HIF3A: variants seen among roughly 807,000 people sequenced by gnomAD.
The protein encoded by HIF3A is hypoxia-inducible factor 3-alpha.
HIF3A carries 41 observed loss-of-function variants against 67.2 expected under a neutral mutation model. That is an observed-to-expected ratio of 0.61 (90% CI 0.48 to 0.79). The LOEUF (loss-of-function observed/expected upper bound fraction) is 0.79. Among genes scored for constraint, HIF3A ranks in the 30% least tolerant of loss-of-function variants. The pLI is 0.00. For missense variants in HIF3A, 855 were observed against 898.0 expected, an observed-to-expected ratio of 0.95 and a Z score of 0.61; for synonymous variants, 356 against 374.8, an observed-to-expected ratio of 0.95 and a Z score of 0.58.
intron 1 of HIF3A, chr19:46,298,363 GCC>G: frequency 8.0e-7 from 1 of 1,256,632 alleles, no homozygotes. Flanking sequence ...GAGCTCGGGT[GCC>G]CCCCCTCCCC....
intron 6 of HIF3A, chr19:46,310,402 AT>A (rs1247279799): frequency 3.9e-6 from 1 of 258,702 alleles, no homozygotes. Flanking sequence ...CTCTCAAAAA[AT>A]AATAATAATA....
At chr19:46,314,018 A>G (rs1229823860) in intron 8 of HIF3A, among the ~76,000 whole-genome samples, 3 of 151,976 alleles carry the variant, frequency 2.0e-5, no homozygotes, top group Non-Finnish European at 4.4e-5. Context: ...ATTCCATGGT[A>G]TGAATAGAGC....
rs938873648 is a variant in HIF3A, at chr19:46,297,203, C to A, written c.26+101C>A. The A allele has an allele frequency of 8.8e-6, 6 of 681,310 alleles. No homozygotes were observed. Among genetic ancestry groups the A allele is most frequent in the Admixed American group, 3.3e-5 (1 of 30,658 alleles). The allele number at this position is 681,310 out of a possible 1,614,324, so 42.2% of individuals were successfully genotyped here. The stretch of plus-strand genomic sequence containing the variant: ...GGGGGGTGGGGTTCGCGGGTGCGAG[C>A]CAAGAACGCCCCGGGGCGCGCAGTT... On this transcript the variant is annotated intron_variant, in intron 1 of 14. Coordinates refer to ENST00000377670, the MANE Select transcript of HIF3A (RefSeq NM_152795.4). This position sits in a 1 kb window ranked among gnomAD's most constrained non-coding sequence, Gnocchi z 4.5.
intron 8 of HIF3A, among the ~76,000 whole-genome samples, chr19:46,317,160 A>G (rs1969980636): frequency 6.6e-6 from 1 of 151,832 alleles, no homozygotes; most frequent in Admixed American, 6.6e-5. Flanking sequence ...AGTTCAAGCG[A>G]CCCACCCGCC....
chr19:46,331,796 A>G (rs563718440), intron 13 of HIF3A, among the ~76,000 whole-genome samples: 1 of 145,974 alleles, frequency 6.9e-6, no homozygotes, highest in South Asian at 2.3e-4. Context: ...AGAAGATTGC[A>G]GTGAGCTGAG....
chr19:46,318,470 G>A (rs1195748093), intron 8 of HIF3A, among the ~76,000 whole-genome samples: 1 of 143,936 alleles, frequency 6.9e-6, no homozygotes, highest in Non-Finnish European at 1.5e-5. Context: ...GGATCACTGA[G>A]CCTGGGAGAT....
rs1971006011 is a variant in HIF3A at position 46,329,233 on chromosome 19, G to A, written c.1467G>A (p.Met489Ile). 1 of 1,610,678 alleles carries A rather than the reference G, an allele frequency of 6.2e-7. No individual in the cohort carries two copies. The highest frequency in any genetic ancestry group is 8.5e-7 in the Non-Finnish European group (1 of 1,178,340). Residue 489 changes from methionine (M) to isoleucine (I), a missense_variant, in exon 12 of 15, where the codon ATG (methionine) becomes ATA (isoleucine). This residue lies in a region of HIF3A where 18 missense variants were observed against 43.7 expected (regional missense o/e 0.41). Transcript: ENST00000377670. ...ATGCTGATGCTCTGGATTTGGAGAT[G>A]CTGGCCCCCTACATCTCCATGGATG... is the stretch of plus-strand genomic sequence containing the variant. Reference protein sequence around the residue: ...AQDADALDLEMLAPYISMDDD... With the variant: ...AQDADALDLEILAPYISMDDD...
intron 10 of HIF3A, among the ~76,000 whole-genome samples, chr19:46,324,985 T>TTCTG (rs1555785452): frequency 7.8e-6 from 1 of 127,916 alleles, no homozygotes; most frequent in Non-Finnish European, 1.6e-5. Flanking sequence ...CACACATATA[T>TTCTG]TGTGTGTGTG....
At position 46,334,987 on chromosome 19, in the gene HIF3A, G is replaced by T; in HGVS notation, c.1912+1G>T. 6.2e-7 allele frequency: 1 copy of T among 1,601,896 alleles called. No homozygotes were observed. Among genetic ancestry groups the T allele is most frequent in the Non-Finnish European group, 8.5e-7 (1 of 1,173,816 alleles). On this transcript the variant is annotated splice_donor_variant, in intron 14 of 14. Coordinates refer to ENST00000377670, the MANE Select transcript of HIF3A (RefSeq NM_152795.4). LOFTEE classifies it high-confidence loss of function. ...CTCCTGAACCTGAATGAGCCCCTGG[G>T]TGAGTAGCAACCTGGGTATCCAGAG... is the stretch of plus-strand genomic sequence containing the variant.
intron 13 of HIF3A, among the ~76,000 whole-genome samples, chr19:46,334,130 C>A (rs1971445126): frequency 6.6e-6 from 1 of 150,778 alleles, no homozygotes; most frequent in Non-Finnish European, 1.5e-5. Flanking sequence ...CTCACTCTGT[C>A]TACCAGGCTA....
intron 12 of HIF3A, 140 bp from the exon 13 acceptor site, chr19:46,331,016 A>T (rs1971173376): frequency 1.9e-6 from 1 of 536,746 alleles, no homozygotes; most frequent in South Asian, 3.2e-5. Context: ...TGGTGGATGG[A>T]TGGATGGACT....
At chr19:46,314,344 C>T (rs943446196) in intron 8 of HIF3A, among the ~76,000 whole-genome samples, 1 of 143,090 alleles carries the variant, frequency 7.0e-6, no homozygotes, top group Non-Finnish European at 1.5e-5. Flanking sequence ...TAAGACTCAA[C>T]CGCAAAAAAA....
At chr19:46,308,892 A>C in intron 5 of HIF3A, 117 bp downstream of exon 5, 1 of 738,984 alleles carries the variant, frequency 1.4e-6, no homozygotes, top group South Asian at 1.8e-5. Flanking sequence ...TGCGGGGCTC[A>C]CTCAGGTCAG....
intron 6 of HIF3A, 84 bp downstream of exon 6, chr19:46,309,443 CCTT>C (rs1256040965): frequency 6.2e-6 from 5 of 804,648 alleles, no homozygotes; most frequent in Non-Finnish European, 7.8e-6. Flanking sequence ...TTCTCTCTCT[CCTT>C]CTCTCTCTCT....
rs367838890 is a variant in HIF3A, at chr19:46,312,482, A to T, written c.878-24A>T. 8 of 1,612,466 alleles carry T rather than the reference A, an allele frequency of 5.0e-6. No homozygotes were observed. In the African/African-American group the frequency reaches 1.1e-4, roughly 22 times the overall value. On this transcript the variant is annotated intron_variant, in intron 7 of 14. Coordinates refer to ENST00000377670, the MANE Select transcript of HIF3A (RefSeq NM_152795.4). Reference sequence around the variant, plus strand: ...CCCATTTGCCCCCTTGGTGGCCCTGATCCCTCCCGATCCCCCTCCTCAGTG... The same window carrying T: ...CCCATTTGCCCCCTTGGTGGCCCTGTTCCCTCCCGATCCCCCTCCTCAGTG...
intron 11 of HIF3A, among the ~76,000 whole-genome samples, chr19:46,327,212 G>A (rs1302229109): frequency 6.6e-6 from 1 of 151,802 alleles, no homozygotes; most frequent in African/African-American, 2.4e-5. Flanking sequence ...GGCTGGTCTT[G>A]AACTCCCAGG....
chr19:46,331,350 AC>A, intron 13 of HIF3A, 77 bp downstream of exon 13: 1 of 1,168,294 alleles, frequency 8.6e-7, no homozygotes, highest in Non-Finnish European at 1.3e-6. Flanking sequence ...TAGATAGGAA[AC>A]CAGAGAGGGG....
At chr19:46,337,265 G>T (rs1356215705) in intron 14 of HIF3A, among the ~76,000 whole-genome samples, 1 of 151,828 alleles carries the variant, frequency 6.6e-6, no homozygotes, top group Non-Finnish European at 1.5e-5. Flanking sequence ...GGGGTGTGGG[G>T]GGACAGGGTG....
At position 46,309,132 on chromosome 19, in the gene HIF3A, C is replaced by A; in HGVS notation, c.562-19C>A. 6.2e-7 allele frequency: 1 copy of A among 1,603,422 alleles called. No homozygotes were observed. The highest frequency in any genetic ancestry group is 1.1e-5 in the South Asian group (1 of 90,284). ...GGCCCAGAGGCACCACTGCCTTGTC[C>A]CCTCATCTCGGCCCCCAGGTGCTGA... On this transcript the variant is annotated intron_variant, in intron 5 of 14. Coordinates refer to ENST00000377670, the MANE Select transcript of HIF3A (RefSeq NM_152795.4).
Sources: gnomAD v4.1 joint callset for allele counts (sites outside exome capture counted in the v4.1 genomes callset) on GRCh38, gnomAD v4.1.1 for gene constraint, gnomAD v4.1.1 regional missense constraint, Gnocchi (gnomAD v3.1) non-coding constraint, MANE v1.5 for transcripts, NCBI Gene and HGNC (gene_info 2026-07-23, HGNC 2026-07-21) for gene names.